INO80: variants seen among roughly 807,000 people sequenced by gnomAD.
The protein encoded by INO80 is chromatin-remodeling ATPase INO80.
Under a neutral mutation model 203.4 loss-of-function variants are expected in INO80, and 20 were observed. That is an observed-to-expected ratio of 0.10 (90% CI 0.07 to 0.14). INO80 has a LOEUF of 0.14. Ranked by LOEUF, INO80 falls within the 10% of genes least tolerant of loss-of-function variation. The pLI is 1.00. For synonymous variants in INO80, 726 were observed against 685.2 expected (o/e 1.06, Z -0.93); for missense variants, 1,419 against 1,914.4 (o/e 0.74, Z 4.83).
In INO80 at chr15:41,016,608, T is replaced by C. The variant is rs188244714; in HGVS notation, c.3275-393A>G. On this transcript the variant is annotated intron_variant, in intron 26 of 35. Coordinates refer to ENST00000648947, the MANE Select transcript of INO80 (RefSeq NM_017553.3). ...TCTTTGTTCATCCTATCTCTAGATATCTGTTTCTGCTAGTTCTGAAAGCAT... is the reference window on the plus strand; with the variant it reads ...TCTTTGTTCATCCTATCTCTAGATACCTGTTTCTGCTAGTTCTGAAAGCAT... Among the ~76,000 whole-genome samples, 410 of 152,368 alleles carry C rather than the reference T, an allele frequency of 2.7e-3. 3 individuals carry two copies. Among genetic ancestry groups the C allele is most frequent in the South Asian group, 0.013 (62 of 4,826 alleles).
At chr15:41,037,297 C>G (rs1220852467) in intron 24 of INO80, among the ~76,000 whole-genome samples, 1 of 151,550 alleles carries the variant, frequency 6.6e-6, no homozygotes, top group Non-Finnish European at 1.5e-5. Flanking sequence ...TACCTGAGGT[C>G]AGGAGTTCGA....
At chr15:41,104,518 T>C (rs2045854535) in intron 1 of INO80, among the ~76,000 whole-genome samples, 2 of 152,074 alleles carry the variant, frequency 1.3e-5, no homozygotes, top group African/African-American at 4.8e-5. Flanking sequence ...ACTCTCTAGT[T>C]ACTGCCAGGC....
At chr15:41,073,339 G>C in intron 11 of INO80, 89 bp downstream of exon 11, 1 of 1,080,776 alleles carries the variant, frequency 9.3e-7, no homozygotes. Context: ...TTGCAAATGT[G>C]ATTAAGACTA....
At chr15:41,111,919 T>C (rs1052077518) in intron 1 of INO80, among the ~76,000 whole-genome samples, 1 of 152,076 alleles carries the variant, frequency 6.6e-6, no homozygotes, top group Non-Finnish European at 1.5e-5. Context: ...GTTAAGAACC[T>C]TGCTCTGGAG....
intron 21 of INO80, among the ~76,000 whole-genome samples, chr15:41,048,882 C>G (rs1009846411): frequency 6.6e-6 from 1 of 152,198 alleles, no homozygotes; most frequent in African/African-American, 2.4e-5. Flanking sequence ...TCAAACTTTA[C>G]TAAATTTATC....
intron 9 of INO80, among the ~76,000 whole-genome samples, chr15:41,075,684 G>A (rs1462664908): frequency 1.3e-5 from 2 of 152,044 alleles, no homozygotes; most frequent in Non-Finnish European, 2.9e-5. Flanking sequence ...TCAATCTCCC[G>A]ACCTCATGAT....
At chr15:40,997,304 C>A (rs2043892994) in intron 29 of INO80, among the ~76,000 whole-genome samples, 1 of 151,844 alleles carries the variant, frequency 6.6e-6, no homozygotes, top group South Asian at 2.1e-4. Flanking sequence ...AAAACTTGTT[C>A]AAAGAAAATG....
At chr15:40,980,795 T>C (rs552262995) in intron 35 of INO80, among the ~76,000 whole-genome samples, 2 of 152,292 alleles carry the variant, frequency 1.3e-5, no homozygotes, top group South Asian at 4.1e-4. Context: ...AAACAGGTTT[T>C]TCCTTTCTTC....
At chr15:41,115,896 T>C (rs533282923) in intron 1 of INO80, 77 bp downstream of exon 1, 144 of 376,598 alleles carry the variant, frequency 3.8e-4, no homozygotes, top group African/African-American at 2.7e-3. Context: ...GCGGCCCAGT[T>C]GTCGCCCGCA....
rs757510009 is a variant in INO80, at chr15:41,085,381, C to T, written c.861G>A (p.Lys287=). 1.9e-6 allele frequency: 3 copies of T among 1,614,020 alleles called. No individual in the cohort carries two copies. Among genetic ancestry groups the T allele is most frequent in the South Asian group, 1.1e-5 (1 of 91,074 alleles). The part of the protein sequence containing the change: ...RRKVWLSIVK[K]ELPKANKQKA... ...GGCATTCACTTACCTTTGGTAGTTC[C>T]TTTTTCACAATGCTGAGCCATACTT... The change falls in exon 7 of 36, where the codon AAG becomes AAA. Residue 287 remains lysine, a synonymous_variant. Transcript: ENST00000648947.
Position 41,016,204 on chromosome 15 carries a change from G to A in INO80, c.3286C>T (p.Leu1096Phe), listed in dbSNP as rs1246008063. 2 of 1,613,762 alleles carry A rather than the reference G, an allele frequency of 1.2e-6. No individual in the cohort carries two copies. The highest frequency in any genetic ancestry group is 1.7e-6 in the Non-Finnish European group (2 of 1,179,846). ...SFIRIPGKES[L>F]ITDSGKLYAL... ...TACAGCTTTCCACTGTCAGTGATGA[G>A]GCTCTCCTTGCCTGGGGAGAAGAAA... The change falls in exon 27 of 36, where the codon CTC (leucine) becomes TTC (phenylalanine). Residue 1096 changes from leucine to phenylalanine, a missense_variant. By Grantham distance (22) the Leu-to-Phe change is conservative. Transcript: ENST00000648947.
At chr15:41,089,758 A>G (rs1400843327) in intron 5 of INO80, among the ~76,000 whole-genome samples, 1 of 151,742 alleles carries the variant, frequency 6.6e-6, no homozygotes, top group East Asian at 1.9e-4. Flanking sequence ...AAAAAAAAAA[A>G]GAAAGAAAGA....
intron 6 of INO80, among the ~76,000 whole-genome samples, chr15:41,086,078 A>G (rs2045558695): frequency 6.6e-6 from 1 of 152,176 alleles, no homozygotes; most frequent in Non-Finnish European, 1.5e-5. Flanking sequence ...CTCAAGTAAT[A>G]GTCAAAGGAA....
intron 1 of INO80, among the ~76,000 whole-genome samples, chr15:41,110,568 A>G (rs759593223): frequency 6.6e-6 from 1 of 152,086 alleles, no homozygotes; most frequent in Non-Finnish European, 1.5e-5. Context: ...CCTCCAGAGT[A>G]GCTGGGACTA....
At chr15:40,996,099 G>C (rs981308032) in intron 29 of INO80, among the ~76,000 whole-genome samples, 8 of 152,040 alleles carry the variant, frequency 5.3e-5, no homozygotes, top group African/African-American at 1.9e-4. Context: ...CTACACTCTT[G>C]CACCTCATTT....
In INO80 at chr15:41,092,045, C is replaced by T; in HGVS notation, c.519G>A (p.Lys173=). ...LHKYKKLHQN[K]YSKDKELQQY... is the part of the protein sequence containing the mutation. ...CTCTTACCTCCTTGTCTTTACTATA[C>T]TTATTTTGGTGAAGTTTCTTATATT... The change falls in exon 5 of 36, where the codon AAG becomes AAA. Residue 173 remains lysine (K), a synonymous_variant. Coordinates refer to ENST00000648947, the MANE Select transcript of INO80 (RefSeq NM_017553.3). 2.5e-6 allele frequency: 4 copies of T among 1,609,370 alleles called. No individual in the cohort carries two copies. The highest frequency in any genetic ancestry group is 3.4e-6 in the Non-Finnish European group (4 of 1,176,166).
At chr15:40,982,784 C>G in intron 35 of INO80, 78 bp downstream of exon 35, 1 of 1,205,656 alleles carries the variant, frequency 8.3e-7, no homozygotes, top group Non-Finnish European at 1.2e-6. Context: ...GGGTTTCCTA[C>G]ATGTTCTACC....
intron 1 of INO80, among the ~76,000 whole-genome samples, chr15:41,100,296 G>A (rs186319799): frequency 1.9e-4 from 29 of 152,136 alleles, no homozygotes; most frequent in African/African-American, 6.5e-4. Flanking sequence ...GGATGGTCTC[G>A]ATCTCCTGAC....
Position 41,074,475 on chromosome 15 carries a change from C to G in INO80, c.1222G>C (p.Asp408His). 6.2e-7 allele frequency: 1 copy of G among 1,613,980 alleles called. No homozygotes were observed. The highest frequency in any genetic ancestry group is 1.1e-5 in the South Asian group (1 of 91,076). ...CTTAGGATTTCTTCCTGGATACCAT[C>G]ATGACCCATATCTCGTTTGCGACTC... ...FMSRKRDMGH[D>H]GIQEEILRKL... Residue 408 changes from aspartate to histidine, a missense_variant, in exon 10 of 36, where the codon GAT becomes CAT. This residue lies in a region of INO80 where 116 missense variants were observed against 119.5 expected (regional missense o/e 0.97). Coordinates refer to ENST00000648947, the MANE Select transcript of INO80 (RefSeq NM_017553.3).
Sources: allele counts gnomAD v4.1 joint callset (sites outside exome capture counted in the v4.1 genomes callset), GRCh38; gene constraint gnomAD v4.1.1; regional missense constraint gnomAD v4.1.1; transcripts MANE v1.5; gene names NCBI Gene and HGNC (gene_info 2026-07-23, HGNC 2026-07-21).